Variants in DMAC2L observed in about 807,000 individuals in gnomAD.
DMAC2L encodes ATP synthase subunit s, mitochondrial.
Under a neutral mutation model 22.5 loss-of-function variants are expected in DMAC2L, and 21 were observed. The observed-to-expected ratio is 0.93, with a 90% confidence interval of 0.66 to 1.34. DMAC2L has a LOEUF of 1.34. DMAC2L is among the 40% of genes most tolerant of loss of function. The probability of loss-of-function intolerance (pLI) is 0.00; values close to 1 mark genes in which losing one functional copy is unlikely to be tolerated. For synonymous variants in DMAC2L, 86 were observed against 89.5 expected (o/e 0.96, Z 0.22); for missense variants, 239 against 246.5 (o/e 0.97, Z 0.20).
intron 4 of DMAC2L, chr14:50,323,069 G>T: frequency 1.0e-6 from 1 of 972,426 alleles, no homozygotes; most frequent in Non-Finnish European, 1.2e-6. Flanking sequence ...GCTTACGTGG[G>T]CATTTTTTTT....
intron 2 of DMAC2L, among the ~76,000 whole-genome samples, chr14:50,316,409 C>T (rs886534049): frequency 6.6e-6 from 1 of 152,076 alleles, no homozygotes; most frequent in Non-Finnish European, 1.5e-5. Flanking sequence ...TTAGTCCCAA[C>T]TATTTATCTT....
chr14:50,320,463 G>A (rs527932180), intron 2 of DMAC2L, among the ~76,000 whole-genome samples: 9 of 152,156 alleles, frequency 5.9e-5, no homozygotes, highest in African/African-American at 2.2e-4. Context: ...AACACTTCAC[G>A]ACCTGACTGT....
rs1382221169 is a variant in DMAC2L, at chr14:50,321,435, A to G, written c.-5-48A>G. 11 of 1,607,704 alleles carry G rather than the reference A, an allele frequency of 6.8e-6. 1 individual carries two copies. The highest frequency in any genetic ancestry group is 4.5e-5 in the East Asian group (2 of 44,726). ...GACTCTGAAGTAAGTTGCTATATGT[A>G]TGGGACTCGGATGATGATCTAATGT... is the stretch of plus-strand genomic sequence containing the variant. On this transcript the variant is annotated intron_variant, in intron 2 of 5. Transcript: ENST00000557421.
chr14:50,323,902 T>G, intron 4 of DMAC2L, 43 bp from the exon 5 acceptor site: 3 of 1,521,440 alleles, frequency 2.0e-6, no homozygotes, highest in Non-Finnish European at 2.7e-6. Flanking sequence ...GTTTGTCATC[T>G]TAGTGGTAAA....
At chr14:50,316,835 C>T (rs933105279) in intron 2 of DMAC2L, among the ~76,000 whole-genome samples, 4 of 152,132 alleles carry the variant, frequency 2.6e-5, no homozygotes, top group African/African-American at 9.7e-5. Context: ...TGTTGTGCCT[C>T]CAGATTTATC....
At position 50,326,661 on chromosome 14, in the gene DMAC2L, C is replaced by A; in HGVS notation, c.*938C>A. ...ATTAAAACTGGACATAGATACTTGG[C>A]TGAATACAAATAGTTTTGCAGATTG... is the stretch of plus-strand genomic sequence containing the variant. On this transcript the variant is annotated 3_prime_UTR_variant, in exon 6 of 6. Coordinates refer to ENST00000557421, the MANE Select transcript of DMAC2L (RefSeq NM_001382507.1). The A allele has an allele frequency of 1.0e-6, 1 of 985,208 alleles. No individual in the cohort carries two copies. Among genetic ancestry groups the A allele is most frequent in the Non-Finnish European group, 1.2e-6 (1 of 829,782 alleles). 61.0% of individuals were successfully genotyped at this position (985,208 alleles called of 1,614,324 possible). A position where few individuals can be genotyped will look rare whatever the true frequency, so the allele number is the denominator to read the frequency against.
intron 5 of DMAC2L, chr14:50,324,696 ACT>A (rs2032569903): frequency 6.6e-6 from 1 of 152,234 alleles, no homozygotes; most frequent in Non-Finnish European, 1.5e-5. Context: ...AACAGATAAT[ACT>A]AGCAAGGAAT....
At chr14:50,312,202 C>A, upstream of DMAC2L, 6 of 1,600,042 alleles carry the variant, frequency 3.7e-6, no homozygotes, top group Non-Finnish European at 5.1e-6. Flanking sequence ...ACTTGACCCT[C>A]CACGGCCGAG....
chr14:50,315,128 G>A (rs571858723), intron 2 of DMAC2L, among the ~76,000 whole-genome samples: 14 of 151,620 alleles, frequency 9.2e-5, no homozygotes, highest in Admixed American at 1.3e-4. Context: ...CACTATGCCC[G>A]GCTAATTTTT....
At chr14:50,325,484 T>G (rs921702964) in intron 5 of DMAC2L, 125 bp from the exon 6 acceptor site, 4 of 1,172,504 alleles carry the variant, frequency 3.4e-6, no homozygotes, top group East Asian at 2.8e-5. Flanking sequence ...GCTCTAAAAG[T>G]AATTTTGAAG....
At chr14:50,314,759 A>G in intron 2 of DMAC2L, 133 bp downstream of exon 2, 1 of 400,486 alleles carries the variant, frequency 2.5e-6, no homozygotes, top group Non-Finnish European at 5.0e-6. Flanking sequence ...CTCCTGCCTC[A>G]GCCTCCTGAG....
intron 2 of DMAC2L, 25 bp from the exon 3 acceptor site, chr14:50,321,458 T>C (rs756983789): frequency 6.2e-7 from 1 of 1,612,850 alleles, no homozygotes; most frequent in South Asian, 1.1e-5. Flanking sequence ...GATGATCTAA[T>C]GTAAGTACTG....
chr14:50,312,372 C>T lies in DMAC2L; in HGVS notation c.-59C>T, dbSNP rs983624644. 3.2e-5 allele frequency: 20 copies of T among 616,088 alleles called. No homozygotes were observed. The highest frequency in any genetic ancestry group is 1.7e-4 in the African/African-American group (9 of 54,080). 38.2% of individuals were successfully genotyped at this position (616,088 alleles called of 1,614,324 possible). A position where few individuals can be genotyped will look rare whatever the true frequency, so the allele number is the denominator to read the frequency against. ...GCGGGGACGCTGGCTCGCTCCCTCC[C>T]TCCCTCCCTCCGACGCTGTGAGTAG... On this transcript the variant is annotated 5_prime_UTR_variant, in exon 1 of 6. Transcript: ENST00000557421.
chr14:50,325,264 A>C (rs2032634309), intron 5 of DMAC2L, among the ~76,000 whole-genome samples: 1 of 152,258 alleles, frequency 6.6e-6, no homozygotes, highest in Non-Finnish European at 1.5e-5. Context: ...TGAAGCTTCA[A>C]AGCTTCATCT....
chr14:50,318,310 A>G (rs2031982388), intron 2 of DMAC2L, among the ~76,000 whole-genome samples: 1 of 152,254 alleles, frequency 6.6e-6, no homozygotes. Context: ...TTGAAATGTA[A>G]AAACCTACCA....
At chr14:50,317,171 GT>G (rs1439621059) in intron 2 of DMAC2L, among the ~76,000 whole-genome samples, 1 of 151,672 alleles carries the variant, frequency 6.6e-6, no homozygotes, top group Non-Finnish European at 1.5e-5. Flanking sequence ...ATATTCCTAA[GT>G]TTTTTTTGTG....
chr14:50,316,702 A>T (rs11157735), intron 2 of DMAC2L, among the ~76,000 whole-genome samples: 2 of 151,928 alleles, frequency 1.3e-5, no homozygotes, highest in African/African-American at 2.4e-5. Context: ...TCAGTTGGCT[A>T]TAAGTATTTG....
intron 2 of DMAC2L, among the ~76,000 whole-genome samples, chr14:50,320,682 C>T (rs2032191750): frequency 2.0e-5 from 3 of 152,040 alleles, no homozygotes; most frequent in Admixed American, 2.0e-4. Context: ...TGTCTTAGCC[C>T]ACTCCATCCT....
chr14:50,318,989 A>G (rs1223852989), intron 2 of DMAC2L: 12 of 980,284 alleles, frequency 1.2e-5, no homozygotes, highest in Admixed American at 6.1e-5. Context: ...TGCACTAAGT[A>G]TAGCAGACAT....
Sources: allele counts gnomAD v4.1 joint callset (sites outside exome capture counted in the v4.1 genomes callset), GRCh38; gene constraint gnomAD v4.1.1; transcripts MANE v1.5; gene names NCBI Gene and HGNC (gene_info 2026-07-23, HGNC 2026-07-21).